Variants in PAICS observed in about 807,000 individuals in gnomAD.
PAICS encodes phosphoribosylaminoimidazole carboxylase and phosphoribosylaminoimidazolesuccinocarboxamide synthase, also known as bifunctional phosphoribosylaminoimidazole carboxylase/phosphoribosylaminoimidazole succinocarboxamide synthetase.
A neutral mutation model predicts 53.7 loss-of-function variants in PAICS; 33 were observed. The observed-to-expected ratio is 0.61, with a 90% CI of 0.47 to 0.82. The LOEUF (loss-of-function observed/expected upper bound fraction) is 0.82. Among genes scored for constraint, PAICS ranks in the 40% least tolerant of loss-of-function variants. The pLI, the probability that PAICS is intolerant of heterozygous loss-of-function variation, is 0.00. For synonymous variants in PAICS, 141 were observed against 167.2 expected, an observed-to-expected ratio of 0.84 and a Z score of 1.21; for missense variants, 394 against 494.1, an observed-to-expected ratio of 0.80 and a Z score of 1.92.
At chr4:56,435,795 G>A (rs1010366697), upstream of PAICS, 11 of 1,515,020 alleles carry the variant, frequency 7.3e-6, no homozygotes, top group African/African-American at 1.4e-5. Flanking sequence ...TTTGCTGCAC[G>A]TGGAAATCTC....
chr4:56,460,321 G>C lies in PAICS; in HGVS notation c.*783G>C, dbSNP rs989673986. 1 of 152,146 alleles carries C rather than the reference G, an allele frequency of 6.6e-6. No homozygotes were observed. The highest frequency in any genetic ancestry group is 1.5e-5 in the Non-Finnish European group (1 of 68,026). 9.4% of individuals were successfully genotyped at this position (152,146 alleles called of 1,614,324 possible). On this transcript the variant is annotated 3_prime_UTR_variant, in exon 9 of 9. Transcript: ENST00000512576. ...ACTCACTGTTGCAAGTCAGAAGCTT[G>C]ATTTCATCATTGATGTTTTTCTCAC...
intron 8 of PAICS, among the ~76,000 whole-genome samples, chr4:56,456,706 G>GTT (rs371211011): frequency 0.058 from 7,867 of 135,380 alleles, 695 homozygotes; most frequent in African/African-American, 0.19. Context: ...TGCCTCTGGG[G>GTT]TTTTTTTTTT....
chr4:56,455,815 T>G (rs939468576), intron 8 of PAICS, among the ~76,000 whole-genome samples: 2 of 152,182 alleles, frequency 1.3e-5, no homozygotes, highest in Admixed American at 1.3e-4. Context: ...TTTCAGGATC[T>G]TTTGTCTGTT....
At chr4:56,456,522 C>A (rs1719215151) in intron 8 of PAICS, among the ~76,000 whole-genome samples, 1 of 152,148 alleles carries the variant, frequency 6.6e-6, no homozygotes, top group African/African-American at 2.4e-5. Flanking sequence ...GATCCGCCCA[C>A]CTCAAACTCC....
At chr4:56,439,660 CT>C (rs201760782) in intron 1 of PAICS, among the ~76,000 whole-genome samples, 30 of 150,902 alleles carry the variant, frequency 2.0e-4, no homozygotes, top group Non-Finnish European at 3.6e-4. Flanking sequence ...TTTTCTTTTC[CT>C]TTTTTTTTAT....
intron 1 of PAICS, among the ~76,000 whole-genome samples, chr4:56,439,402 A>G (rs1006103240): frequency 6.6e-6 from 1 of 152,060 alleles, no homozygotes; most frequent in Non-Finnish European, 1.5e-5. Context: ...ACATCCGGCT[A>G]ATTTTTGTAA....
chr4:56,430,856 C>T (rs1717547071), upstream of PAICS, among the ~76,000 whole-genome samples: 1 of 151,896 alleles, frequency 6.6e-6, no homozygotes, highest in South Asian at 2.1e-4. Flanking sequence ...ACTGATGTTA[C>T]TGGAAAACCT....
At chr4:56,455,969 C>A (rs1719172572) in intron 8 of PAICS, among the ~76,000 whole-genome samples, 2 of 152,126 alleles carry the variant, frequency 1.3e-5, no homozygotes, top group African/African-American at 4.8e-5. Flanking sequence ...CCTCCATATT[C>A]TCTCTTCTCA....
intron 1 of PAICS, among the ~76,000 whole-genome samples, chr4:56,437,256 G>GGTGTGT (rs57161391): frequency 0.13 from 16,297 of 124,226 alleles, 1,253 homozygotes; most frequent in Non-Finnish European, 0.16. Context: ...ATGCCATGAT[G>GGTGTGT]GTGTGTGTGT....
At chr4:56,414,036 TAC>T in the PAICS span, among the ~76,000 whole-genome samples, 1 of 152,230 alleles carries the variant, frequency 6.6e-6, no homozygotes, top group African/African-American at 2.4e-5. Context: ...TATACAATTT[TAC>T]AAACTGACCA....
At chr4:56,450,810 CTTTGTTT>C (rs1263448105) in intron 6 of PAICS, 108 bp downstream of exon 6, 1 of 654,020 alleles carries the variant, frequency 1.5e-6, no homozygotes, top group African/African-American at 1.9e-5. Context: ...TTTTCAGTGA[CTTTGTTT>C]TTTGTTGTTG....
intron 1 of PAICS, among the ~76,000 whole-genome samples, chr4:56,437,056 G>GGTGT (rs57028021): frequency 2.7e-5 from 4 of 150,768 alleles, no homozygotes; most frequent in South Asian, 4.2e-4. Flanking sequence ...TTGATGCCAT[G>GGTGT]GTGTGTGTGT....
chr4:56,411,723 G>A, the PAICS span, among the ~76,000 whole-genome samples: 1 of 152,152 alleles, frequency 6.6e-6, no homozygotes, highest in Non-Finnish European at 1.5e-5. Context: ...AGTTATATGC[G>A]TTTAGTAATG....
the PAICS span, among the ~76,000 whole-genome samples, chr4:56,415,243 A>G: frequency 6.6e-6 from 1 of 152,208 alleles, no homozygotes; most frequent in South Asian, 2.1e-4. Flanking sequence ...CAATGAAATG[A>G]TTAATGAGAT....
At chr4:56,414,877 G>C in the PAICS span, among the ~76,000 whole-genome samples, 3 of 151,970 alleles carry the variant, frequency 2.0e-5, no homozygotes, top group Non-Finnish European at 4.4e-5. Flanking sequence ...AACATTCCTC[G>C]ACAACATTTT....
chr4:56,415,200 TACTC>T, the PAICS span, among the ~76,000 whole-genome samples: 1 of 152,226 alleles, frequency 6.6e-6, no homozygotes, highest in African/African-American at 2.4e-5. Flanking sequence ...CTACTTTTGT[TACTC>T]AATAAAATAG....
upstream of PAICS, chr4:56,435,611 C>T: frequency 1.3e-6 from 2 of 1,505,810 alleles, no homozygotes; most frequent in Non-Finnish European, 1.8e-6. Context: ...GTGGCCCCAG[C>T]TACTGCGGCG....
At chr4:56,430,245 C>A in the PAICS span, among the ~76,000 whole-genome samples, 1 of 152,102 alleles carries the variant, frequency 6.6e-6, no homozygotes, top group Non-Finnish European at 1.5e-5. Context: ...TGAATACATA[C>A]CCAGAAGTGG....
the PAICS span, among the ~76,000 whole-genome samples, chr4:56,426,152 C>T: frequency 2.0e-5 from 3 of 152,136 alleles, no homozygotes; most frequent in African/African-American, 7.2e-5. Flanking sequence ...CCTGTAATCC[C>T]AACACTGTGG....
Sources: gnomAD v4.1 joint callset for allele counts (sites outside exome capture counted in the v4.1 genomes callset) on GRCh38, gnomAD v4.1.1 for gene constraint, MANE v1.5 for transcripts, NCBI Gene and HGNC (gene_info 2026-07-23, HGNC 2026-07-21) for gene names.